The following HPCAL1 variants were observed in gnomAD, a reference collection of about 807,000 sequenced individuals.
HPCAL1 encodes hippocalcin-like protein 1.
In HPCAL1, 8 loss-of-function variants were observed where a neutral mutation model predicts 17.1. That is an observed-to-expected ratio of 0.47 (90% CI 0.27 to 0.84). The LOEUF is 0.84. Ranked by LOEUF, HPCAL1 falls within the 40% of genes least tolerant of loss-of-function variation. The pLI is 0.13. For synonymous variants in HPCAL1, 112 were observed against 111.4 expected, an observed-to-expected ratio of 1.01 and a Z score of -0.03; for missense variants, 165 against 271.1, an observed-to-expected ratio of 0.61 and a Z score of 2.75.
At chr2:10,356,850 CG>C (rs1227569368) in intron 1 of HPCAL1, among the ~76,000 whole-genome samples, 1 of 152,174 alleles carries the variant, frequency 6.6e-6, no homozygotes, top group Non-Finnish European at 1.5e-5. Context: ...CTCCTCCCTG[CG>C]GGGCCACCCA....
chr2:10,307,875 G>C (rs4668678), intron 1 of HPCAL1, among the ~76,000 whole-genome samples: 139,940 of 152,286 alleles, frequency 0.92, 64,322 homozygotes, highest in East Asian at 1. Flanking sequence ...TCATCCCACT[G>C]TCTTCTGCCT....
intron 1 of HPCAL1, among the ~76,000 whole-genome samples, chr2:10,333,222 C>T (rs13431596): frequency 0.023 from 3,431 of 152,292 alleles, 144 homozygotes; most frequent in African/African-American, 0.078. Flanking sequence ...AATGCATTTT[C>T]ACAGGAGAGA....
chr2:10,339,363 TG>T (rs1664924076), intron 1 of HPCAL1, among the ~76,000 whole-genome samples: 1 of 151,550 alleles, frequency 6.6e-6, no homozygotes, highest in African/African-American at 2.4e-5. Flanking sequence ...TGGAGTGCAG[TG>T]GTGCGATCTC....
intron 1 of HPCAL1, among the ~76,000 whole-genome samples, chr2:10,391,006 T>G: frequency 6.6e-6 from 1 of 152,204 alleles, no homozygotes; most frequent in Middle Eastern, 3.2e-3. Flanking sequence ...CAGAGAGATC[T>G]TAAGAGCTTA....
chr2:10,341,107 G>A (rs1026578262), intron 1 of HPCAL1, among the ~76,000 whole-genome samples: 2 of 151,966 alleles, frequency 1.3e-5, no homozygotes, highest in Admixed American at 6.6e-5. Context: ...GCTGTCCTTC[G>A]CGATTTTTCT....
At chr2:10,337,817 C>T (rs766783332) in intron 1 of HPCAL1, among the ~76,000 whole-genome samples, 31 of 152,120 alleles carry the variant, frequency 2.0e-4, no homozygotes, top group African/African-American at 7.2e-4. Context: ...TTTCTCAGTC[C>T]CCCAGGAGGT....
rs964122019 is a variant in HPCAL1, at chr2:10,334,739, G to T, written c.-111+31562G>T. On this transcript the variant is annotated intron_variant, in intron 1 of 4. Transcript: ENST00000307845. ...CTCGCTCTGTTACCCAGGCTGGAGT[G>T]CAGTGGCACGATCTCGGCTCATTGC... Among the ~76,000 whole-genome samples, 5 of 142,402 alleles carry T rather than the reference G, an allele frequency of 3.5e-5. No individual in the cohort carries two copies. In the East Asian group the frequency reaches 9.7e-4, roughly 28 times the overall value. The allele number at this position is 142,402 out of a possible 152,430, so 93.4% of individuals were successfully genotyped here.
chr2:10,386,336 A>G (rs116430998), intron 1 of HPCAL1, among the ~76,000 whole-genome samples: 2 of 152,288 alleles, frequency 1.3e-5, no homozygotes, highest in Admixed American at 6.5e-5. Flanking sequence ...GCGTGGCTCC[A>G]TGCTCTGAGC....
rs1181398649 is a variant in HPCAL1, at chr2:10,342,179, A to G, written c.-111+39002A>G. On this transcript the variant is annotated intron_variant, in intron 1 of 4. Coordinates refer to ENST00000307845, the MANE Select transcript of HPCAL1 (RefSeq NM_002149.4). The surrounding 1 kb of genome is among the most constrained non-coding windows in gnomAD (Gnocchi z 4.1). ...GTGGACCTTGTCTGTAAAAATAATA[A>G]TAATAATAATAAAGCTTTGCTCCCC... Among the ~76,000 whole-genome samples, 3 of 151,998 alleles carry G rather than the reference A, an allele frequency of 2.0e-5. No homozygotes were observed. The highest frequency in any genetic ancestry group is 4.4e-5 in the Non-Finnish European group (3 of 68,012).
rs913986797 is a variant in HPCAL1 at position 10,365,922 on chromosome 2, G to A, written c.-110-30913G>A. Reference sequence around the variant, plus strand: ...GGCCTCCCATTGAGATCAGCTATACGTGATATAGACCAGGGATGCACGCCT... The same window carrying A: ...GGCCTCCCATTGAGATCAGCTATACATGATATAGACCAGGGATGCACGCCT... On this transcript the variant is annotated intron_variant, in intron 1 of 4. Transcript: ENST00000307845. This position sits in a 1 kb window ranked among gnomAD's most constrained non-coding sequence, Gnocchi z 4.8. 6.6e-6 allele frequency among the ~76,000 whole-genome samples: 1 copy of A among 152,188 alleles called. No homozygotes were observed. Among genetic ancestry groups the A allele is most frequent in the Non-Finnish European group, 1.5e-5 (1 of 68,046 alleles).
chr2:10,324,918 G>A, intron 1 of HPCAL1, among the ~76,000 whole-genome samples: 1 of 141,706 alleles, frequency 7.1e-6, no homozygotes, highest in Non-Finnish European at 1.5e-5. Flanking sequence ...CACCTCCCAG[G>A]TTCAAGTGAT....
At chr2:10,422,753 C>T (rs1465945346) in intron 3 of HPCAL1, among the ~76,000 whole-genome samples, 1 of 152,222 alleles carries the variant, frequency 6.6e-6, no homozygotes, top group Non-Finnish European at 1.5e-5. Context: ...GATACCAGCA[C>T]CCTCACCACC....
At position 10,393,054 on chromosome 2, in the gene HPCAL1, C is replaced by T. The variant is rs559636791; in HGVS notation, c.-110-3781C>T. ...GACTTTGGAGCAGTAGATCTGTGCC[C>T]AGCAGGTCTGTATGAATCACCCAGG... On this transcript the variant is annotated intron_variant, in intron 1 of 4. Coordinates refer to ENST00000307845, the MANE Select transcript of HPCAL1 (RefSeq NM_002149.4). Among the ~76,000 whole-genome samples, 4 of 152,212 alleles carry T rather than the reference C, an allele frequency of 2.6e-5. No homozygotes were observed. The South Asian group carries it at 8.3e-4, about 31-fold the overall frequency.
chr2:10,348,199 C>T (rs1665588051), intron 1 of HPCAL1, among the ~76,000 whole-genome samples: 1 of 152,182 alleles, frequency 6.6e-6, no homozygotes, highest in Non-Finnish European at 1.5e-5. Context: ...CCTGTAATCC[C>T]AGCACTTTGG....
chr2:10,322,115 A>G (rs1663704488), intron 1 of HPCAL1, among the ~76,000 whole-genome samples: 1 of 152,096 alleles, frequency 6.6e-6, no homozygotes, highest in Non-Finnish European at 1.5e-5. Context: ...CTGCAACTCT[A>G]TGGATTACAT....
At chr2:10,375,647 T>C (rs2125523851) in intron 1 of HPCAL1, among the ~76,000 whole-genome samples, 2 of 152,356 alleles carry the variant, frequency 1.3e-5, no homozygotes, top group Non-Finnish European at 2.9e-5. Context: ...CTGTGTGACC[T>C]GGGACAGGGT....
intron 1 of HPCAL1, among the ~76,000 whole-genome samples, chr2:10,308,887 CAAACA>C (rs911832620): frequency 2.6e-5 from 4 of 152,132 alleles, no homozygotes; most frequent in Non-Finnish European, 5.9e-5. Context: ...AAAACAAAAA[CAAACA>C]AAACAAAACA....
chr2:10,401,545 T>C (rs937709191), intron 2 of HPCAL1, among the ~76,000 whole-genome samples: 1 of 152,078 alleles, frequency 6.6e-6, no homozygotes, highest in Non-Finnish European at 1.5e-5. Flanking sequence ...GAAGATCCAC[T>C]ATTCCAAGGC....
chr2:10,369,488 T>C (rs1667078075), intron 1 of HPCAL1, among the ~76,000 whole-genome samples: 1 of 152,212 alleles, frequency 6.6e-6, no homozygotes, highest in Non-Finnish European at 1.5e-5. Flanking sequence ...AAGGTGGATG[T>C]TGACACTTGG....
Sources: allele counts gnomAD v4.1 joint callset (sites outside exome capture counted in the v4.1 genomes callset), GRCh38; gene constraint gnomAD v4.1.1; non-coding constraint Gnocchi (gnomAD v3.1); transcripts MANE v1.5; gene names NCBI Gene and HGNC (gene_info 2026-07-23, HGNC 2026-07-21).